UMODL1: variants seen among roughly 807,000 people sequenced by gnomAD.
The protein encoded by UMODL1 is uromodulin like 1.
A neutral mutation model predicts 136.3 loss-of-function variants in UMODL1; 128 were observed. That is an observed-to-expected ratio of 0.94 (90% CI 0.81 to 1.09). The LOEUF (loss-of-function observed/expected upper bound fraction) is 1.09. UMODL1 is among the 50% of genes least tolerant of loss of function. UMODL1 has a pLI of 0.00. For synonymous variants in UMODL1, 721 were observed against 720.0 expected (o/e 1.00, Z -0.02); for missense variants, 1,766 against 1,725.6 (o/e 1.02, Z -0.41).
chr21:42,119,132 AC>A lies in UMODL1; in HGVS notation c.2499del (p.Met834CysfsTer29), dbSNP rs780184106. On this transcript the variant is annotated frameshift_variant, in exon 15 of 23. Coordinates refer to ENST00000408910, the MANE Select transcript of UMODL1 (RefSeq NM_001004416.3). LOFTEE classifies it high-confidence loss of function. ...GCAGGTGCGGGGCTCCCTGCCAGCC[AC>A]CATGTGTCAGCACATGGACGCTGGT... Reference protein sequence around the residue: ...FRMVRGSLPATMCQHMDAGGV... With the variant: ...FRMVRGSLPAXMCQHMDAGGV... 1.9e-6 allele frequency: 3 copies of A among 1,613,234 alleles called. No individual in the cohort carries two copies. In the Admixed American group the frequency reaches 5.0e-5, roughly 27 times the overall value.
intron 22 of UMODL1, among the ~76,000 whole-genome samples, chr21:42,141,787 G>A (rs916835984): frequency 3.3e-5 from 5 of 152,016 alleles, no homozygotes; most frequent in African/African-American, 1.2e-4. Context: ...CTCCACGGAT[G>A]GTGCAAAGGT....
In UMODL1 at chr21:42,088,720, T is replaced by A. The variant is rs1392890818; in HGVS notation, c.790+240T>A. Among the ~76,000 whole-genome samples, 4 of 150,226 alleles carry A rather than the reference T, an allele frequency of 2.7e-5. No individual in the cohort carries two copies. In the South Asian group the frequency reaches 6.5e-4, roughly 24 times the overall value. ...CCTCTAGAACTTATTTTGCCCCCCA[T>A]TTCCCGCCCCTCTCCTCTTCCCTCC... is the stretch of plus-strand genomic sequence containing the variant. On this transcript the variant is annotated intron_variant, in intron 5 of 22. Coordinates refer to ENST00000408910, the MANE Select transcript of UMODL1 (RefSeq NM_001004416.3).
At chr21:42,137,700 TGGGAGG>T in intron 22 of UMODL1, 59 bp downstream of exon 22, 1 of 582,136 alleles carries the variant, frequency 1.7e-6, no homozygotes, top group Non-Finnish European at 2.4e-6. Flanking sequence ...TGGAGTGGGG[TGGGAGG>T]TGCAGGCTGA....
intron 12 of UMODL1, among the ~76,000 whole-genome samples, chr21:42,111,969 G>A (rs888903895): frequency 5.3e-5 from 8 of 152,080 alleles, no homozygotes; most frequent in South Asian, 2.1e-4. Context: ...CAGCTGGGGC[G>A]GAGGTCTGCC....
At chr21:42,115,020 G>GT (rs2066885040) in intron 13 of UMODL1, among the ~76,000 whole-genome samples, 1 of 152,248 alleles carries the variant, frequency 6.6e-6, no homozygotes, top group African/African-American at 2.4e-5. Flanking sequence ...AGGACGTAGA[G>GT]TTTGGGGTTC....
chr21:42,123,194 A>AGGGGCTCTAGGTTACAT lies in UMODL1; in HGVS notation c.3147+48_3147+64dup. The AGGGGCTCTAGGTTACAT allele has an allele frequency of 6.4e-7, 1 of 1,562,640 alleles. No individual in the cohort carries two copies. The highest frequency in any genetic ancestry group is 8.7e-7 in the Non-Finnish European group (1 of 1,150,906). On this transcript the variant is annotated intron_variant, in intron 17 of 22. Transcript: ENST00000408910. This position sits in a 1 kb window ranked among gnomAD's most constrained non-coding sequence, Gnocchi z 4.4. ...GGCTCAGGATGTACACTAGGGCGCAAGGGGCTCTAGGTTACATGGGCCTCG... is the reference window on the plus strand; with the variant it reads ...GGCTCAGGATGTACACTAGGGCGCAAGGGGCTCTAGGTTACATGGGGCTCTAGGTTACATGGGCCTCG...
chr21:42,095,460 T>TTGTG (rs374448014), intron 6 of UMODL1, among the ~76,000 whole-genome samples: 22 of 146,950 alleles, frequency 1.5e-4, no homozygotes, highest in African/African-American at 3.5e-4. Context: ...GCCTTCTCCT[T>TTGTG]TGTGTGTGTG....
intron 17 of UMODL1, 77 bp from the exon 18 acceptor site, chr21:42,126,268 C>T (rs1352350277): frequency 6.9e-6 from 11 of 1,594,826 alleles, no homozygotes; most frequent in Non-Finnish European, 9.4e-6. Flanking sequence ...CCCCCAGCAC[C>T]TAGAGCCGTG....
intron 9 of UMODL1, among the ~76,000 whole-genome samples, chr21:42,108,737 A>G: frequency 6.6e-6 from 1 of 150,916 alleles, no homozygotes; most frequent in East Asian, 2.0e-4. Context: ...CCTCACCTTC[A>G]TTCCCCTCAG....
At chr21:42,106,527 C>T (rs376366642) in intron 9 of UMODL1, among the ~76,000 whole-genome samples, 2 of 152,158 alleles carry the variant, frequency 1.3e-5, no homozygotes, top group South Asian at 4.1e-4. Context: ...GTCAGGTTGT[C>T]GTGACCTTAT....
intron 1 of UMODL1, among the ~76,000 whole-genome samples, chr21:42,063,975 C>T (rs1163433462): frequency 3.3e-5 from 5 of 152,128 alleles, no homozygotes; most frequent in African/African-American, 7.2e-5. Context: ...AGATGCTCAG[C>T]GCCTGTGGGA....
chr21:42,064,952 A>T (rs938359928), intron 1 of UMODL1, among the ~76,000 whole-genome samples: 10 of 152,206 alleles, frequency 6.6e-5, no homozygotes, highest in African/African-American at 2.2e-4. Flanking sequence ...TTTTAAAATC[A>T]TTTATTGGAA....
rs1266996828 is a variant in UMODL1 at position 42,142,697 on chromosome 21, T to A, written c.*623T>A. 1 of 152,230 alleles carries A rather than the reference T, an allele frequency of 6.6e-6. No homozygotes were observed. The highest frequency in any genetic ancestry group is 1.5e-5 in the Non-Finnish European group (1 of 68,032). The allele number at this position is 152,230 out of a possible 1,614,324, so 9.4% of individuals were successfully genotyped here. A position where few individuals can be genotyped will look rare whatever the true frequency, so the allele number is the denominator to read the frequency against. On this transcript the variant is annotated 3_prime_UTR_variant, in exon 23 of 23. Transcript: ENST00000408910. Reference sequence around the variant, plus strand: ...CGACTCAAAAGGCACTCGATTAATGTGACAACCTTTTCAATAAGCAGAAAT... The same window carrying A: ...CGACTCAAAAGGCACTCGATTAATGAGACAACCTTTTCAATAAGCAGAAAT...
intron 2 of UMODL1, among the ~76,000 whole-genome samples, chr21:42,078,004 C>T (rs145071970): frequency 9.0e-4 from 137 of 152,314 alleles, no homozygotes; most frequent in Non-Finnish European, 1.4e-3. Context: ...AGAGTTGATG[C>T]GTTTCTGTTG....
intron 6 of UMODL1, among the ~76,000 whole-genome samples, chr21:42,090,955 C>T (rs1161969874): frequency 6.6e-6 from 1 of 152,230 alleles, no homozygotes; most frequent in Non-Finnish European, 1.5e-5. Context: ...CGGCAGTGAG[C>T]TGCCGTTTTT....
chr21:42,093,993 C>A (rs1418676249), intron 6 of UMODL1: 1 of 455,642 alleles, frequency 2.2e-6, no homozygotes, highest in Admixed American at 2.4e-5. Context: ...AGAATCCTGT[C>A]CCTTTCGTGA....
In UMODL1 at chr21:42,104,013, C is replaced by T. The variant is rs765449903; in HGVS notation, c.1445C>T (p.Thr482Met). The T allele has an allele frequency of 3.5e-5, 56 of 1,613,904 alleles. No individual in the cohort carries two copies. The highest frequency in any genetic ancestry group is 9.9e-5 in the South Asian group (9 of 91,080). Reference protein sequence around the residue: ...QDPGFPMGISTLAPILQPLLA... With the variant: ...QDPGFPMGISMLAPILQPLLA... Reference sequence around the variant, plus strand: ...CCCGGGTTTCCCATGGGCATCTCCACGCTGGCCCCCATACTCCAGCCCCTG... The same window carrying T: ...CCCGGGTTTCCCATGGGCATCTCCATGCTGGCCCCCATACTCCAGCCCCTG... The change falls in exon 9 of 23, where the codon ACG becomes ATG. Residue 482 changes from threonine to methionine, a missense_variant. Coordinates refer to ENST00000408910, the MANE Select transcript of UMODL1 (RefSeq NM_001004416.3).
At position 42,123,165 on chromosome 21, in the gene UMODL1, G is replaced by C; in HGVS notation, c.3147+15G>C. 1.2e-6 allele frequency: 2 copies of C among 1,600,492 alleles called. No homozygotes were observed. Among genetic ancestry groups the C allele is most frequent in the Non-Finnish European group, 1.7e-6 (2 of 1,171,254 alleles). On this transcript the variant is annotated intron_variant, in intron 17 of 22. Coordinates refer to ENST00000408910, the MANE Select transcript of UMODL1 (RefSeq NM_001004416.3). This position sits in a 1 kb window ranked among gnomAD's most constrained non-coding sequence, Gnocchi z 4.4. ...TCATGCAGAGCGTAAGACCAGGAGAGCCAGGCTCAGGATGTACACTAGGGC... is the reference window on the plus strand; with the variant it reads ...TCATGCAGAGCGTAAGACCAGGAGACCCAGGCTCAGGATGTACACTAGGGC...
At chr21:42,120,826 G>A (rs2066960274) in intron 15 of UMODL1, 2 of 363,286 alleles carry the variant, frequency 5.5e-6, no homozygotes, top group Non-Finnish European at 4.9e-6. Context: ...TGAAGGGATG[G>A]CCCTGCTCTG....
Sources: gnomAD v4.1 joint callset for allele counts (sites outside exome capture counted in the v4.1 genomes callset) on GRCh38, gnomAD v4.1.1 for gene constraint, Gnocchi (gnomAD v3.1) non-coding constraint, MANE v1.5 for transcripts, NCBI Gene and HGNC (gene_info 2026-07-23, HGNC 2026-07-21) for gene names.